Variants in ABLIM1 observed in about 807,000 individuals in gnomAD.
ABLIM1 encodes actin binding LIM protein 1, also known as actin-binding LIM protein 1.
ABLIM1 carries 40 observed loss-of-function variants against 107.0 expected under a neutral mutation model. That is an observed-to-expected ratio of 0.37 (90% confidence interval 0.29 to 0.49). The LOEUF is 0.49. Ranked by LOEUF, ABLIM1 falls within the 20% of genes least tolerant of loss-of-function variation. ABLIM1 has a pLI of 0.97. For missense variants in ABLIM1, 857 were observed against 1,008.5 expected, an observed-to-expected ratio of 0.85 and a Z score of 2.04; for synonymous variants, 357 against 357.3, an observed-to-expected ratio of 1.00 and a Z score of 0.01.
chr10:114,467,883 GC>G (rs974618773), intron 11 of ABLIM1, among the ~76,000 whole-genome samples: 12 of 152,300 alleles, frequency 7.9e-5, no homozygotes, highest in African/African-American at 2.4e-4. Flanking sequence ...CGGACAAAGA[GC>G]CCCACATTGG....
chr10:114,560,325 A>G (rs2483552), intron 4 of ABLIM1, among the ~76,000 whole-genome samples: 56,657 of 152,140 alleles, frequency 0.37, 13,889 homozygotes, highest in African/African-American at 0.7. Flanking sequence ...TAAAGAAATG[A>G]AGTACAGTCA....
chr10:114,472,952 C>A, intron 10 of ABLIM1, 25 bp downstream of exon 10: 1 of 1,524,282 alleles, frequency 6.6e-7, no homozygotes, highest in Non-Finnish European at 8.8e-7. Context: ...TGTTGTACAA[C>A]TCACAACCAG....
chr10:114,706,333 T>C (rs1329717612), intron 1 of ABLIM1, among the ~76,000 whole-genome samples: 1 of 152,208 alleles, frequency 6.6e-6, no homozygotes, highest in African/African-American at 2.4e-5. Context: ...ATAAACGATA[T>C]TGAATTAACA....
intron 2 of ABLIM1, among the ~76,000 whole-genome samples, chr10:114,580,207 A>T (rs1044307007): frequency 1.4e-5 from 2 of 146,812 alleles, no homozygotes; most frequent in South Asian, 2.1e-4. Flanking sequence ...ATTATATATT[A>T]TATATATATA....
intron 4 of ABLIM1, among the ~76,000 whole-genome samples, chr10:114,553,123 G>T (rs146995537): frequency 0.011 from 1,611 of 152,252 alleles, 21 homozygotes; most frequent in Non-Finnish European, 0.014. Flanking sequence ...ATGAATAAGG[G>T]CCCCAAAGAT....
chr10:114,629,872 G>A lies in ABLIM1; in HGVS notation c.245-27911C>T, dbSNP rs928212579. The stretch of plus-strand genomic sequence containing the variant: ...CAAACAAACAAAAATGAAACGAAAC[G>A]AAACAAACCTGCCTTTCTCTGTTGA... On this transcript the variant is annotated intron_variant, in intron 1 of 22. Coordinates refer to ENST00000533213, the MANE Select transcript of ABLIM1 (RefSeq NM_002313.7). The surrounding 1 kb of genome is among the most constrained non-coding windows in gnomAD (Gnocchi z 4.0). Among the ~76,000 whole-genome samples, 2 of 152,100 alleles carry A rather than the reference G, an allele frequency of 1.3e-5. No individual in the cohort carries two copies. The highest frequency in any genetic ancestry group is 2.4e-5 in the African/African-American group (1 of 41,410).
intron 6 of ABLIM1, among the ~76,000 whole-genome samples, chr10:114,538,330 G>C (rs914146894): frequency 9.2e-5 from 14 of 152,160 alleles, no homozygotes; most frequent in Non-Finnish European, 1.5e-4. Flanking sequence ...CAGCAGGAGG[G>C]GTCTAAAAGC....
intron 10 of ABLIM1, among the ~76,000 whole-genome samples, chr10:114,470,350 G>A (rs1281165312): frequency 6.7e-6 from 1 of 150,300 alleles, no homozygotes; most frequent in Non-Finnish European, 1.5e-5. Flanking sequence ...TTGAACCTGG[G>A]AGGCAGAGGT....
At chr10:114,632,815 A>AT in intron 1 of ABLIM1, 1 of 983,496 alleles carries the variant, frequency 1.0e-6, no homozygotes, top group Non-Finnish European at 1.2e-6. Flanking sequence ...TCCAGTCACA[A>AT]TTAAGGGACA....
intron 11 of ABLIM1, among the ~76,000 whole-genome samples, chr10:114,466,618 C>T (rs1334644577): frequency 6.6e-6 from 1 of 152,192 alleles, no homozygotes; most frequent in Non-Finnish European, 1.5e-5. Flanking sequence ...GTTCTGACCA[C>T]CAACCAAACT....
chr10:114,564,980 A>G (rs1009978464), intron 4 of ABLIM1, among the ~76,000 whole-genome samples: 4 of 152,230 alleles, frequency 2.6e-5, no homozygotes, highest in Admixed American at 6.5e-5. Context: ...CTACCTTATG[A>G]GAAGGGAACT....
At chr10:114,557,679 T>TG (rs2068954676) in intron 4 of ABLIM1, among the ~76,000 whole-genome samples, 2 of 149,362 alleles carry the variant, frequency 1.3e-5, no homozygotes, top group African/African-American at 4.9e-5. Context: ...GTGTTTTTTT[T>TG]TTTTTTTTTT....
intron 1 of ABLIM1, among the ~76,000 whole-genome samples, chr10:114,675,083 C>T (rs1040108539): frequency 2.0e-5 from 3 of 152,146 alleles, no homozygotes; most frequent in Non-Finnish European, 4.4e-5. Flanking sequence ...TTGCCCATCC[C>T]TATGTCCCAG....
intron 1 of ABLIM1, among the ~76,000 whole-genome samples, chr10:114,746,813 T>C: frequency 6.6e-6 from 1 of 152,214 alleles, no homozygotes; most frequent in African/African-American, 2.4e-5. Context: ...AGTAGTGATG[T>C]TGGGCATTTT....
Position 114,517,362 on chromosome 10 carries a change from A to C in ABLIM1, c.895-25484T>G, listed in dbSNP as rs1294512462. On this transcript the variant is annotated intron_variant, in intron 6 of 22. Coordinates refer to ENST00000533213, the MANE Select transcript of ABLIM1 (RefSeq NM_002313.7). ...ATGAAGGCAGAGACTGGAGCGATGC[A>C]GCTCCAAGCCACGCAGCACCAAGGA... is the stretch of plus-strand genomic sequence containing the variant. Among the ~76,000 whole-genome samples the C allele has an allele frequency of 2.0e-5, 3 of 152,294 alleles. No homozygotes were observed. The East Asian group carries it at 5.8e-4, about 29-fold the overall frequency.
At chr10:114,653,874 ACAATTTCTT>A (rs1422941768) in intron 1 of ABLIM1, among the ~76,000 whole-genome samples, 2 of 152,172 alleles carry the variant, frequency 1.3e-5, no homozygotes, top group Non-Finnish European at 2.9e-5. Context: ...GTGGGGGAAA[ACAATTTCTT>A]CCCTTGCAAC....
chr10:114,751,273 G>C (rs1591940219), intron 1 of ABLIM1, among the ~76,000 whole-genome samples: 1 of 151,868 alleles, frequency 6.6e-6, no homozygotes, highest in African/African-American at 2.4e-5. Context: ...ATGTAAGTCT[G>C]AGAAAAAGAA....
Position 114,440,566 on chromosome 10 carries a change from C to T in ABLIM1, c.2059+451G>A, listed in dbSNP as rs141590928. Among the ~76,000 whole-genome samples, 511 of 152,258 alleles carry T rather than the reference C, an allele frequency of 3.4e-3. 1 individual carries two copies. The highest frequency in any genetic ancestry group is 0.012 in the African/African-American group (501 of 41,536). The stretch of plus-strand genomic sequence containing the variant: ...GCTTAAGCAATTCTCCTGCCTCAGC[C>T]TCCCAAGTAGCTGGGACTACAGGCA... On this transcript the variant is annotated intron_variant, in intron 19 of 22. Coordinates refer to ENST00000533213, the MANE Select transcript of ABLIM1 (RefSeq NM_002313.7).
intron 12 of ABLIM1, among the ~76,000 whole-genome samples, chr10:114,457,030 T>G (rs1394946125): frequency 2.0e-5 from 3 of 151,708 alleles, no homozygotes; most frequent in Non-Finnish European, 4.4e-5. Context: ...AAAAATCAGG[T>G]AAAGAGAGAC....
Sources: allele counts gnomAD v4.1 joint callset (sites outside exome capture counted in the v4.1 genomes callset), GRCh38; gene constraint gnomAD v4.1.1; non-coding constraint Gnocchi (gnomAD v3.1); transcripts MANE v1.5; gene names NCBI Gene and HGNC (gene_info 2026-07-23, HGNC 2026-07-21).